Variants in RBM19 observed in about 807,000 individuals in gnomAD.
RBM19 encodes probable RNA-binding protein 19.
Under a neutral mutation model 116.8 loss-of-function variants are expected in RBM19, and 94 were observed. That is an observed-to-expected ratio of 0.80 (90% CI 0.68 to 0.95). The LOEUF (loss-of-function observed/expected upper bound fraction) is 0.95. RBM19 is among the 40% of genes least tolerant of loss of function. The pLI, the probability that RBM19 is intolerant of heterozygous loss-of-function variation, is 0.00. For missense variants in RBM19, 1,161 were observed against 1,220.7 expected (o/e 0.95, Z 0.73); for synonymous variants, 475 against 494.1 (o/e 0.96, Z 0.51).
intron 15 of RBM19, among the ~76,000 whole-genome samples, chr12:113,937,561 G>A (rs796094669): frequency 8.5e-5 from 12 of 140,448 alleles, no homozygotes; most frequent in African/African-American, 2.9e-4. Flanking sequence ...ATATATCCAC[G>A]GGCAACACCT....
chr12:113,941,479 AAACTT>A (rs1870560662), intron 14 of RBM19, among the ~76,000 whole-genome samples: 1 of 151,744 alleles, frequency 6.6e-6, no homozygotes, highest in Non-Finnish European at 1.5e-5. Context: ...TTAAACATGT[AAACTT>A]AGAAGAGTGC....
At chr12:113,857,967 A>G (rs1251547828) in intron 22 of RBM19, among the ~76,000 whole-genome samples, 1 of 152,230 alleles carries the variant, frequency 6.6e-6, no homozygotes, top group East Asian at 1.9e-4. Context: ...TTTAGCCTTG[A>G]GGAATAGTGA....
intron 8 of RBM19, among the ~76,000 whole-genome samples, chr12:113,952,220 T>C (rs887714675): frequency 2.0e-5 from 3 of 152,152 alleles, no homozygotes; most frequent in Non-Finnish European, 2.9e-5. Context: ...CCAGGACCTG[T>C]TGGCATTTGT....
intron 22 of RBM19, among the ~76,000 whole-genome samples, chr12:113,853,803 G>A (rs1033727985): frequency 6.6e-6 from 1 of 152,218 alleles, no homozygotes; most frequent in Non-Finnish European, 1.5e-5. Context: ...GTGTGCTAGT[G>A]GGGGCAGCTG....
At chr12:113,937,295 T>C in intron 15 of RBM19, 159 bp from the exon 16 acceptor site, 2 of 792,796 alleles carry the variant, frequency 2.5e-6, no homozygotes, top group Non-Finnish European at 3.8e-6. Context: ...CTGACTGCTG[T>C]CTACTCCCTG....
At position 113,945,943 on chromosome 12, in the gene RBM19, A is replaced by G. The variant is rs58178208; in HGVS notation, c.1530-19T>C. Reference sequence around the variant, plus strand: ...GTGAGAGCTAAGAGGCAGAGGCAGAACAGGGAGATCAGACCGCAGCTGGAT... The same window carrying G: ...GTGAGAGCTAAGAGGCAGAGGCAGAGCAGGGAGATCAGACCGCAGCTGGAT... On this transcript the variant is annotated intron_variant, in intron 12 of 23. Coordinates refer to ENST00000261741, the MANE Select transcript of RBM19 (RefSeq NM_016196.4). 181,669 of 1,531,666 alleles carry G rather than the reference A, an allele frequency of 0.12. 12,980 individuals carry two copies. The highest frequency in any genetic ancestry group is 0.33 in the African/African-American group (23,819 of 72,954). The allele number at this position is 1,531,666 out of a possible 1,614,324, so 94.9% of individuals were successfully genotyped here.
At chr12:113,879,519 G>C (rs1254289026) in intron 21 of RBM19, among the ~76,000 whole-genome samples, 3 of 149,364 alleles carry the variant, frequency 2.0e-5, no homozygotes, top group Non-Finnish European at 4.4e-5. Flanking sequence ...CTCCCACCAG[G>C]GCTGGATGAC....
Position 113,925,830 on chromosome 12 carries a change from T to G in RBM19, c.2245-1073A>C, listed in dbSNP as rs577936585. ...GAAACAATGATCCCGGATAATGATG[T>G]TCCCATACCAGACCCGCACCAGAAA... On this transcript the variant is annotated intron_variant, in intron 17 of 23. Transcript: ENST00000261741. Among the ~76,000 whole-genome samples, 62 of 152,316 alleles carry G rather than the reference T, an allele frequency of 4.1e-4. 1 individual carries two copies. Among genetic ancestry groups the G allele is most frequent in the African/African-American group, 1.4e-3 (60 of 41,570 alleles).
rs774204449 is a variant in RBM19 at position 113,947,448 on chromosome 12, G to A, written c.1293C>T (p.Leu431=). 61 of 1,605,494 alleles carry A rather than the reference G, an allele frequency of 3.8e-5. No individual in the cohort carries two copies. Among genetic ancestry groups the A allele is most frequent in the Middle Eastern group, 1.7e-4 (1 of 6,052 alleles). The change falls in exon 11 of 24, where the codon CTC becomes CTT. Residue 431 remains leucine, a synonymous_variant. Coordinates refer to ENST00000261741, the MANE Select transcript of RBM19 (RefSeq NM_016196.4). Reference sequence around the variant, plus strand: ...TGGTCAGGCTGTCGATGGGGTAGTGGAGCTCAGACAGGGGACCTGAGGACA... The same window carrying A: ...TGGTCAGGCTGTCGATGGGGTAGTGAAGCTCAGACAGGGGACCTGAGGACA... ...LFSKYGPLSE[L]HYPIDSLTKK... is the part of the protein sequence containing the mutation.
At chr12:113,960,572 G>T (rs1322932218) in intron 2 of RBM19, among the ~76,000 whole-genome samples, 1 of 152,166 alleles carries the variant, frequency 6.6e-6, no homozygotes, top group Non-Finnish European at 1.5e-5. Context: ...CAGGTAATAA[G>T]TGACAGAGTG....
intron 6 of RBM19, among the ~76,000 whole-genome samples, chr12:113,957,436 G>T (rs1016379606): frequency 6.6e-6 from 1 of 151,998 alleles, no homozygotes; most frequent in African/African-American, 2.4e-5. Context: ...AATTAGCTGG[G>T]TGTGACTATA....
At chr12:113,909,601 C>T (rs149845682) in intron 21 of RBM19, among the ~76,000 whole-genome samples, 4 of 152,286 alleles carry the variant, frequency 2.6e-5, no homozygotes, top group African/African-American at 4.8e-5. Flanking sequence ...AAAGCGAAAT[C>T]GGGTCTTGAC....
rs1212821387 is a variant in RBM19 at position 113,940,022 on chromosome 12, T to G, written c.1876A>C (p.Ile626Leu). The G allele has an allele frequency of 6.2e-7, 1 of 1,614,144 alleles. No homozygotes were observed. Among genetic ancestry groups the G allele is most frequent in the South Asian group, 1.1e-5 (1 of 91,086 alleles). ...TCCAGGGGCTCCAGGAACTCCACGA[T>G]GGCAGTGATTCCGCCCTCTGGCAGC... ...VLLPEGGITA[I>L]VEFLEPLEAR... Residue 626 changes from isoleucine (I) to leucine (L), a missense_variant, in exon 15 of 24, where the codon ATC becomes CTC. Coordinates refer to ENST00000261741, the MANE Select transcript of RBM19 (RefSeq NM_016196.4).
chr12:113,827,631 G>T (rs1196833684), intron 23 of RBM19, among the ~76,000 whole-genome samples: 5 of 152,082 alleles, frequency 3.3e-5, no homozygotes, highest in African/African-American at 1.2e-4. Flanking sequence ...GCTGATAAGG[G>T]GAGAAGGGAG....
At chr12:113,853,162 C>T (rs539777866) in intron 22 of RBM19, among the ~76,000 whole-genome samples, 24 of 152,332 alleles carry the variant, frequency 1.6e-4, no homozygotes, top group African/African-American at 5.8e-4. Context: ...GGGCCTGGGC[C>T]ACATGTCCAC....
At chr12:113,872,813 G>A (rs1593515184) in intron 21 of RBM19, among the ~76,000 whole-genome samples, 5 of 78,864 alleles carry the variant, frequency 6.3e-5, no homozygotes, top group Admixed American at 1.1e-4. Context: ...GCCTCTGCCC[G>A]GCCGCCCCTA....
intron 23 of RBM19, 50 bp downstream of exon 23, chr12:113,844,618 T>G (rs1170005827): frequency 2.6e-6 from 4 of 1,566,774 alleles, no homozygotes; most frequent in Non-Finnish European, 3.5e-6. Context: ...CCACCTCTTG[T>G]GTTCCCCAGG....
chr12:113,848,542 G>T (rs544546271), intron 22 of RBM19, among the ~76,000 whole-genome samples: 65 of 152,276 alleles, frequency 4.3e-4, no homozygotes, highest in South Asian at 1.0e-3. Flanking sequence ...CATTCTAGGG[G>T]CAAGGCAGGT....
intron 21 of RBM19, among the ~76,000 whole-genome samples, chr12:113,899,601 A>G (rs1229452681): frequency 6.6e-6 from 1 of 152,176 alleles, no homozygotes; most frequent in Non-Finnish European, 1.5e-5. Context: ...TCTGGAGTTC[A>G]TGGTTGTTTC....
Sources: allele counts gnomAD v4.1 joint callset (sites outside exome capture counted in the v4.1 genomes callset), GRCh38; gene constraint gnomAD v4.1.1; transcripts MANE v1.5; gene names NCBI Gene and HGNC (gene_info 2026-07-23, HGNC 2026-07-21).